Variants in THEMIS observed in about 807,000 individuals in gnomAD.
THEMIS encodes protein THEMIS.
In THEMIS, 37 loss-of-function variants were observed where a neutral mutation model predicts 52.6. That is an observed-to-expected ratio of 0.70 (90% CI 0.54 to 0.93). The LOEUF is 0.93. THEMIS is among the 40% of genes least tolerant of loss of function. THEMIS has a pLI of 0.00. For missense variants in THEMIS, 808 were observed against 763.1 expected, an observed-to-expected ratio of 1.06 and a Z score of -0.69; for synonymous variants, 292 against 272.7, an observed-to-expected ratio of 1.07 and a Z score of -0.70.
chr6:127,814,056 C>T (rs931104837), intron 3 of THEMIS, 125 bp from the exon 4 acceptor site: 39 of 812,768 alleles, frequency 4.8e-5, no homozygotes, highest in Non-Finnish European at 7.0e-5. Flanking sequence ...CATCATATAT[C>T]ATTTCTTATG....
At position 127,823,437 on chromosome 6, in the gene THEMIS, C is replaced by G. The variant is rs561520971; in HGVS notation, c.709+6039G>C. Among the ~76,000 whole-genome samples, 12 of 152,108 alleles carry G rather than the reference C, an allele frequency of 7.9e-5. 1 individual carries two copies. The highest frequency in any genetic ancestry group is 2.6e-4 in the Admixed American group (4 of 15,284). ...CTGGATATAGTGAGTGAGAAAACCCCCTTGTTACCTAAAGAGGAGCTTTGT... is the reference window on the plus strand; with the variant it reads ...CTGGATATAGTGAGTGAGAAAACCCGCTTGTTACCTAAAGAGGAGCTTTGT... On this transcript the variant is annotated intron_variant, in intron 3 of 5. Transcript: ENST00000368248.
intron 3 of THEMIS, among the ~76,000 whole-genome samples, chr6:127,821,991 T>C (rs1352708723): frequency 6.6e-6 from 1 of 151,998 alleles, no homozygotes; most frequent in East Asian, 1.9e-4. Flanking sequence ...CTACAATTTC[T>C]CCCAACTTCT....
chr6:127,891,834 C>T (rs1237412157), intron 1 of THEMIS, among the ~76,000 whole-genome samples: 1 of 152,144 alleles, frequency 6.6e-6, no homozygotes, highest in East Asian at 1.9e-4. Context: ...CTTGCCCACT[C>T]CTTAAACCTC....
intron 4 of THEMIS, among the ~76,000 whole-genome samples, chr6:127,746,327 T>C (rs1440881954): frequency 6.6e-6 from 1 of 151,814 alleles, no homozygotes; most frequent in Non-Finnish European, 1.5e-5. Context: ...TCAGGGATTC[T>C]ATACTACTAA....
At chr6:127,842,210 A>G (rs746757271) in intron 2 of THEMIS, among the ~76,000 whole-genome samples, 1 of 152,086 alleles carries the variant, frequency 6.6e-6, no homozygotes, top group Non-Finnish European at 1.5e-5. Context: ...ATCAGCTACA[A>G]TAATAAAATA....
intron 4 of THEMIS, among the ~76,000 whole-genome samples, chr6:127,742,421 A>T (rs1775240858): frequency 6.6e-6 from 1 of 152,090 alleles, no homozygotes; most frequent in African/African-American, 2.4e-5. Context: ...GCTTATGTAT[A>T]TTTAAAAAAA....
chr6:127,911,480 T>C (rs909179647), intron 1 of THEMIS, among the ~76,000 whole-genome samples: 1 of 151,334 alleles, frequency 6.6e-6, no homozygotes, highest in African/African-American at 2.5e-5. Context: ...CTTTAAGTTA[T>C]AATCTGATAC....
intron 4 of THEMIS, among the ~76,000 whole-genome samples, chr6:127,722,864 C>T (rs772437939): frequency 5.3e-5 from 8 of 152,120 alleles, no homozygotes; most frequent in Admixed American, 1.3e-4. Context: ...GCCTCAGCAT[C>T]GCTATGATCT....
chr6:127,870,489 C>T (rs963374084), intron 1 of THEMIS, among the ~76,000 whole-genome samples: 1 of 152,128 alleles, frequency 6.6e-6, no homozygotes, highest in African/African-American at 2.4e-5. Context: ...GAGATGTAAG[C>T]TTTGCCATAT....
chr6:127,849,056 T>C (rs981661565), intron 2 of THEMIS, among the ~76,000 whole-genome samples: 1 of 152,132 alleles, frequency 6.6e-6, no homozygotes, highest in Admixed American at 6.6e-5. Context: ...TTTATGGTTT[T>C]AGGTCTAACA....
At chr6:127,697,351 C>T in the THEMIS span, among the ~76,000 whole-genome samples, 24 of 152,074 alleles carry the variant, frequency 1.6e-4, no homozygotes, top group African/African-American at 3.1e-4. Flanking sequence ...ACCTGGATTC[C>T]GGCAACTGTC....
chr6:127,787,803 G>A (rs201637954), intron 4 of THEMIS, among the ~76,000 whole-genome samples: 1 of 137,642 alleles, frequency 7.3e-6, no homozygotes, highest in South Asian at 2.5e-4. Flanking sequence ...ACAGTGATAG[G>A]TAGATAGATA....
intron 4 of THEMIS, among the ~76,000 whole-genome samples, chr6:127,756,157 A>T (rs564795987): frequency 1.5e-3 from 224 of 152,298 alleles, no homozygotes; most frequent in African/African-American, 5.1e-3. Context: ...GCAAGTAAGT[A>T]CTCATTTGCA....
At chr6:127,788,143 C>T (rs929790865) in intron 4 of THEMIS, among the ~76,000 whole-genome samples, 10 of 152,192 alleles carry the variant, frequency 6.6e-5, no homozygotes, top group South Asian at 2.1e-4. Flanking sequence ...TTTTATTTTG[C>T]GATGTTAGCA....
At chr6:127,750,492 C>A (rs1413437002) in intron 4 of THEMIS, among the ~76,000 whole-genome samples, 1 of 151,700 alleles carries the variant, frequency 6.6e-6, no homozygotes, top group East Asian at 1.9e-4. Context: ...CATGCCTGAT[C>A]ATAAATTTGA....
chr6:127,819,861 A>G (rs577610345), intron 3 of THEMIS, among the ~76,000 whole-genome samples: 1 of 152,208 alleles, frequency 6.6e-6, no homozygotes, highest in Non-Finnish European at 1.5e-5. Flanking sequence ...AGAGTGCTGG[A>G]GAATAAATGA....
intron 1 of THEMIS, among the ~76,000 whole-genome samples, chr6:127,879,962 G>A (rs1245819242): frequency 1.3e-5 from 2 of 152,122 alleles, no homozygotes; most frequent in Non-Finnish European, 2.9e-5. Flanking sequence ...CCTCCCCCGG[G>A]TGTAGCCCAG....
intron 1 of THEMIS, 99 bp downstream of exon 1, chr6:127,900,743 A>T (rs1781111129): frequency 1.0e-6 from 1 of 999,096 alleles, no homozygotes; most frequent in African/African-American, 1.6e-5. Context: ...CCTTTACCAG[A>T]ACTCACATAT....
At chr6:127,900,231 C>T (rs1167624334) in intron 1 of THEMIS, among the ~76,000 whole-genome samples, 3 of 151,892 alleles carry the variant, frequency 2.0e-5, no homozygotes, top group African/African-American at 7.2e-5. Context: ...TACACCAAAA[C>T]TCACTATCTT....
Sources: gnomAD v4.1 joint callset for allele counts (sites outside exome capture counted in the v4.1 genomes callset) on GRCh38, gnomAD v4.1.1 for gene constraint, MANE v1.5 for transcripts, NCBI Gene and HGNC (gene_info 2026-07-23, HGNC 2026-07-21) for gene names.